Variants in CNOT1 observed in about 807,000 individuals in gnomAD.
CNOT1 encodes the protein CCR4-associated factor 1.
A neutral mutation model predicts 273.8 loss-of-function variants in CNOT1; 15 were observed. The observed-to-expected ratio is 0.05, with a 90% CI of 0.04 to 0.08. The LOEUF (loss-of-function observed/expected upper bound fraction) is 0.08, where lower values mean the gene tolerates loss of function less well. CNOT1 is among the 10% of genes least tolerant of loss of function. The probability of loss-of-function intolerance (pLI) is 1.00; values close to 1 mark genes in which losing one functional copy is unlikely to be tolerated. For missense variants in CNOT1, 1,644 were observed against 2,912.2 expected, an observed-to-expected ratio of 0.56 and a Z score of 10.02; for synonymous variants, 1,022 against 1,005.5, an observed-to-expected ratio of 1.02 and a Z score of -0.31.
chr16:58,538,726 G>C (rs754009396), intron 36 of CNOT1, 46 bp downstream of exon 36: 1 of 1,604,260 alleles, frequency 6.2e-7, no homozygotes, highest in South Asian at 1.1e-5. Context: ...ATGTCAAAAG[G>C]CAGTCGCAGT....
intron 31 of CNOT1, among the ~76,000 whole-genome samples, chr16:58,542,813 A>G (rs1217879659): frequency 1.3e-5 from 2 of 152,208 alleles, no homozygotes; most frequent in Non-Finnish European, 2.9e-5. Context: ...AAAGCAGGCC[A>G]GACGCGGTGG....
At position 58,520,136 on chromosome 16, in the gene CNOT1, T is replaced by C. The variant is rs1344726169; in HGVS notation, c.*822A>G. On this transcript the variant is annotated 3_prime_UTR_variant, in exon 49 of 49. Coordinates refer to ENST00000317147, the MANE Select transcript of CNOT1 (RefSeq NM_016284.5). The stretch of plus-strand genomic sequence containing the variant: ...TTGTCATTATTCAGCTTAGCCTGTA[T>C]GGCCATTCATTCAGTGGGGTAATGG... The C allele has an allele frequency of 6.6e-6, 1 of 152,202 alleles. No individual in the cohort carries two copies. The highest frequency in any genetic ancestry group is 1.5e-5 in the Non-Finnish European group (1 of 68,046). 9.4% of individuals were successfully genotyped at this position (152,202 alleles called of 1,614,324 possible). A position where few individuals can be genotyped will look rare whatever the true frequency, so the allele number is the denominator to read the frequency against.
intron 1 of CNOT1, among the ~76,000 whole-genome samples, chr16:58,617,572 T>A (rs1419600460): frequency 6.6e-6 from 1 of 152,138 alleles, no homozygotes; most frequent in Non-Finnish European, 1.5e-5. Context: ...ACATGTCTAG[T>A]CTCAAGCATT....
At chr16:58,593,478 G>T (rs959591708) in intron 2 of CNOT1, among the ~76,000 whole-genome samples, 3 of 151,760 alleles carry the variant, frequency 2.0e-5, no homozygotes, top group African/African-American at 7.3e-5. Context: ...AGAATCGCTT[G>T]AATCTGGGAG....
chr16:58,622,764 T>C (rs2043399234), intron 1 of CNOT1, among the ~76,000 whole-genome samples: 1 of 151,336 alleles, frequency 6.6e-6, no homozygotes, highest in Admixed American at 6.6e-5. Flanking sequence ...GGATCGTCTC[T>C]TGAAACCTGG....
intron 16 of CNOT1, among the ~76,000 whole-genome samples, chr16:58,574,222 G>A (rs1050787511): frequency 6.6e-6 from 1 of 151,964 alleles, no homozygotes; most frequent in African/African-American, 2.4e-5. Context: ...GTTGCAGTAA[G>A]CTATGATTGC....
chr16:58,571,779 A>C (rs1036434653), intron 16 of CNOT1, among the ~76,000 whole-genome samples: 1 of 151,958 alleles, frequency 6.6e-6, no homozygotes, highest in Non-Finnish European at 1.5e-5. Context: ...GGAGTTTGAG[A>C]CCAGCCAGGC....
chr16:58,581,667 T>C (rs12924474), intron 10 of CNOT1, 152 bp from the exon 11 acceptor site: 22 of 985,888 alleles, frequency 2.2e-5, no homozygotes, highest in East Asian at 4.0e-5. Flanking sequence ...TTTTTTTTTC[T>C]TTTTTTTTTT....
At chr16:58,565,549 G>A in intron 16 of CNOT1, among the ~76,000 whole-genome samples, 1 of 152,092 alleles carries the variant, frequency 6.6e-6, no homozygotes, top group East Asian at 1.9e-4. Flanking sequence ...GCTCTTCAAA[G>A]CTATTTTTCC....
In CNOT1 at chr16:58,575,141, A is replaced by G. The variant is rs1343223977; in HGVS notation, c.1705-12T>C. 2 of 1,609,918 alleles carry G rather than the reference A, an allele frequency of 1.2e-6. No individual in the cohort carries two copies. The highest frequency in any genetic ancestry group is 1.7e-6 in the Non-Finnish European group (2 of 1,179,036). On this transcript the variant is annotated splice_polypyrimidine_tract_variant and intron_variant, in intron 14 of 48. Transcript: ENST00000317147. ...AGCATTGACAAGGCCTAAAGGACAA[A>G]GCACATTAGATAATGCAAATGGAGC... is the stretch of plus-strand genomic sequence containing the variant.
chr16:58,532,214 C>T lies in CNOT1; in HGVS notation c.6059+18G>A, dbSNP rs1275536726. 7 of 1,609,606 alleles carry T rather than the reference C, an allele frequency of 4.3e-6. No homozygotes were observed. Among genetic ancestry groups the T allele is most frequent in the African/African-American group, 2.7e-5 (2 of 74,756 alleles). ...AATCCAGCAAACCTTAACACAAAAT[C>T]GCAAACACAATACTCACCAGAAAGC... is the stretch of plus-strand genomic sequence containing the variant. On this transcript the variant is annotated intron_variant, in intron 41 of 48. Coordinates refer to ENST00000317147, the MANE Select transcript of CNOT1 (RefSeq NM_016284.5).
intron 1 of CNOT1, among the ~76,000 whole-genome samples, chr16:58,625,071 A>C (rs182609963): frequency 6.6e-6 from 1 of 152,192 alleles, no homozygotes; most frequent in Non-Finnish European, 1.5e-5. Flanking sequence ...AACACAGTGA[A>C]ACCTCACCTC....
In CNOT1 at chr16:58,525,327, G is replaced by C. The variant is rs2039548202; in HGVS notation, c.6636C>G (p.Leu2212=). ...AGAGCACCAGTGCATTGATGAGCTGGAGGTTGTAGCGATTCCCAGGTTCAT... is the reference window on the plus strand; with the variant it reads ...AGAGCACCAGTGCATTGATGAGCTGCAGGTTGTAGCGATTCCCAGGTTCAT... ...VSNEPGNRYN[L]QLINALVLYV... is the part of the protein sequence containing the mutation. Residue 2212 remains leucine (L), a synonymous_variant, in exon 46 of 49, where the codon CTC becomes CTG. Coordinates refer to ENST00000317147, the MANE Select transcript of CNOT1 (RefSeq NM_016284.5). 6.2e-7 allele frequency: 1 copy of C among 1,613,684 alleles called. No homozygotes were observed. The highest frequency in any genetic ancestry group is 8.5e-7 in the Non-Finnish European group (1 of 1,180,038).
chr16:58,562,762 G>A (rs1441309962), intron 16 of CNOT1, among the ~76,000 whole-genome samples: 1 of 152,088 alleles, frequency 6.6e-6, no homozygotes. Flanking sequence ...GGCAGAGGAT[G>A]CAATGACCTG....
chr16:58,575,758 A>T lies in CNOT1; in HGVS notation c.1705-629T>A, dbSNP rs114970822. Among the ~76,000 whole-genome samples, 523 of 152,228 alleles carry T rather than the reference A, an allele frequency of 3.4e-3. 2 individuals are homozygous for T. Among genetic ancestry groups the T allele is most frequent in the African/African-American group, 0.012 (491 of 41,554 alleles). On this transcript the variant is annotated intron_variant, in intron 14 of 48. Coordinates refer to ENST00000317147, the MANE Select transcript of CNOT1 (RefSeq NM_016284.5). The stretch of plus-strand genomic sequence containing the variant: ...AGATTGCAGTGAGCCAAGAGGCGCC[A>T]CTACACTCCAGCCTGGGCGACAGAG...
chr16:58,583,956 C>CAGAAGATCAGG (rs1567422779), intron 8 of CNOT1, among the ~76,000 whole-genome samples: 1 of 151,586 alleles, frequency 6.6e-6, no homozygotes, highest in African/African-American at 2.4e-5. Flanking sequence ...ATCACGAGGT[C>CAGAAGATCAGG]AGGAGATCAA....
intron 16 of CNOT1, among the ~76,000 whole-genome samples, chr16:58,566,309 T>C (rs1326279402): frequency 6.6e-6 from 1 of 152,256 alleles, no homozygotes; most frequent in Non-Finnish European, 1.5e-5. Context: ...TGAAATAACT[T>C]TCCTTCTCTG....
At chr16:58,546,107 A>G (rs1466863352) in intron 29 of CNOT1, among the ~76,000 whole-genome samples, 45 of 152,186 alleles carry the variant, frequency 3.0e-4, no homozygotes, top group Non-Finnish European at 2.9e-5. Context: ...CATTTAGTTA[A>G]TAATATGCAT....
At position 58,537,093 on chromosome 16, in the gene CNOT1, G is replaced by A; in HGVS notation, c.5542C>T (p.Leu1848=). The A allele has an allele frequency of 6.2e-7, 1 of 1,614,150 alleles. No individual in the cohort carries two copies. The highest frequency in any genetic ancestry group is 8.5e-7 in the Non-Finnish European group (1 of 1,180,042). The change falls in exon 39 of 49, where the codon CTG becomes TTG. Residue 1848 remains leucine, a synonymous_variant. Transcript: ENST00000317147. ...AGAAGATACTCTGCCTTCTCCCTCA[G>A]GCCTGGAGGGTCATCATACTCTGAG... ...QASEYDDPPG[L]REKAEYLLRE...
Sources: gnomAD v4.1 joint callset for allele counts (sites outside exome capture counted in the v4.1 genomes callset) on GRCh38, gnomAD v4.1.1 for gene constraint, MANE v1.5 for transcripts, NCBI Gene and HGNC (gene_info 2026-07-23, HGNC 2026-07-21) for gene names.